Variants in CEACAM1 observed in about 807,000 individuals in gnomAD.
The protein encoded by CEACAM1 is cell adhesion molecule CEACAM1.
A neutral mutation model predicts 49.1 loss-of-function variants in CEACAM1; 31 were observed. That is an observed-to-expected ratio of 0.63 (90% CI 0.47 to 0.85). CEACAM1 has a LOEUF of 0.85. CEACAM1 is among the 40% of genes least tolerant of loss of function. CEACAM1 has a pLI of 0.00. For synonymous variants in CEACAM1, 244 were observed against 247.8 expected (o/e 0.98, Z 0.14); for missense variants, 570 against 645.3 (o/e 0.88, Z 1.26).
chr19:42,515,600 G>A (rs903073415), intron 5 of CEACAM1, among the ~76,000 whole-genome samples: 5 of 152,048 alleles, frequency 3.3e-5, no homozygotes, highest in Non-Finnish European at 7.4e-5. Context: ...CTTGAACCCG[G>A]GAAGTTGAGG....
chr19:42,519,178 C>T lies in CEACAM1; in HGVS notation c.1016G>A (p.Gly339Glu), dbSNP rs375052044. ...GGTCAGGTTCACAGAGTCCTTATCT[C>T]CTGTGACTGTGGTCTTGCTGGCTTT... is the stretch of plus-strand genomic sequence containing the variant. The part of the protein sequence containing the change: ...QIKASKTTVT[G>E]DKDSVNLTCS... The change falls in exon 5 of 9, where the codon GGA becomes GAA. Residue 339 changes from glycine to glutamate, a missense_variant. Coordinates refer to ENST00000161559, the MANE Select transcript of CEACAM1 (RefSeq NM_001712.5). 4 of 1,613,966 alleles carry T rather than the reference C, an allele frequency of 2.5e-6. No homozygotes were observed. The African/African-American group carries it at 5.3e-5, about 22-fold the overall frequency.
intron 5 of CEACAM1, among the ~76,000 whole-genome samples, chr19:42,516,327 A>G (rs1017343008): frequency 5.9e-5 from 9 of 152,222 alleles, no homozygotes; most frequent in African/African-American, 7.2e-5. Flanking sequence ...GGCAGGATAC[A>G]AAATCCACAT....
At chr19:42,521,612 T>C in intron 3 of CEACAM1, 91 bp from the exon 4 acceptor site, 1 of 1,551,446 alleles carries the variant, frequency 6.4e-7, no homozygotes, top group Non-Finnish European at 8.7e-7. Flanking sequence ...TCCTCTCTAC[T>C]AAGTCACAAC....
rs2041669928 is a variant in CEACAM1, at chr19:42,518,949, G to C, written c.1245C>G (p.Asn415Lys). The C allele has an allele frequency of 1.2e-6, 2 of 1,614,056 alleles. No homozygotes were observed. The highest frequency in any genetic ancestry group is 1.7e-6 in the Non-Finnish European group (2 of 1,180,026). Residue 415 changes from asparagine (N) to lysine (K), a missense_variant and splice_region_variant, in exon 5 of 9, where the codon AAC becomes AAG. Physicochemically the swap from Asn to Lys is moderately conservative, Grantham distance 94. Transcript: ENST00000161559. ...AGGAAGGGGTGAGGAGTCACTTACA[G>C]TTTACGTTCAGCATGATGGGGTCGC... Reference protein sequence around the residue: ...NQSDPIMLNVNYNALPQENGL... With the variant: ...NQSDPIMLNVKYNALPQENGL...
intron 5 of CEACAM1, among the ~76,000 whole-genome samples, chr19:42,513,639 C>A (rs1050686363): frequency 2.7e-5 from 4 of 150,702 alleles, no homozygotes; most frequent in African/African-American, 9.8e-5. Context: ...CTAAAACTTC[C>A]TTCCTCTCTT....
Position 42,522,156 on chromosome 19 carries a change from C to T in CEACAM1, c.471G>A (p.Val157=). The T allele has an allele frequency of 6.2e-7, 1 of 1,614,226 alleles. No individual in the cohort carries two copies. ...TGAAGGCCACAGCATCCTTGTCCTC[C>T]ACAGGGTTGGAGTTGTTGCTGGAGA... ...PSISSNNSNP[V]EDKDAVAFTC... is the part of the protein sequence containing the mutation. The change falls in exon 3 of 9, where the codon GTG becomes GTA. Residue 157 remains valine (V), a synonymous_variant. Transcript: ENST00000161559.
chr19:42,521,805 C>T (rs1568661296), intron 3 of CEACAM1, 119 bp downstream of exon 3: 4 of 1,576,326 alleles, frequency 2.5e-6, no homozygotes, highest in Non-Finnish European at 3.5e-6. Flanking sequence ...CATGGCCAGC[C>T]TGGGTGTCCA....
intron 5 of CEACAM1, among the ~76,000 whole-genome samples, chr19:42,514,347 T>A (rs944684895): frequency 1.3e-5 from 2 of 152,018 alleles, no homozygotes; most frequent in African/African-American, 4.8e-5. Flanking sequence ...GTCAGGCTGG[T>A]CTTGAACTCC....
intron 6 of CEACAM1, 60 bp from the exon 7 acceptor site, chr19:42,511,688 G>T: frequency 6.6e-7 from 1 of 1,525,472 alleles, no homozygotes; most frequent in Non-Finnish European, 9.1e-7. Context: ...TGTTCCGTAA[G>T]TTAGGAAGGA....
chr19:42,518,083 A>G (rs899912144), intron 5 of CEACAM1, among the ~76,000 whole-genome samples: 4 of 152,218 alleles, frequency 2.6e-5, no homozygotes, highest in East Asian at 1.9e-4. Context: ...AGCCAGACAC[A>G]AAAGGACAAA....
chr19:42,512,816 C>T (rs1204786059), intron 5 of CEACAM1, among the ~76,000 whole-genome samples: 1 of 152,014 alleles, frequency 6.6e-6, no homozygotes, highest in Non-Finnish European at 1.5e-5. Flanking sequence ...CAGGCACGTG[C>T]CACCACACCT....
rs1231909163 is a variant in CEACAM1 at position 42,527,298 on chromosome 19, T to C, written c.167A>G (p.His56Arg). 1 of 1,614,074 alleles carries C rather than the reference T, an allele frequency of 6.2e-7. No homozygotes were observed. Among genetic ancestry groups the C allele is most frequent in the South Asian group, 1.1e-5 (1 of 91,076 alleles). Residue 56 changes from histidine to arginine, a missense_variant, in exon 2 of 9, where the codon CAC becomes CGC. His to Arg is a conservative substitution (Grantham distance 29). Coordinates refer to ENST00000161559, the MANE Select transcript of CEACAM1 (RefSeq NM_001712.5). ...GCCAAAAAGTTGCTGGGGCAGATTG[T>C]GGACAAGGAGAAGAACCTCCTTCCC... is the stretch of plus-strand genomic sequence containing the variant. Reference protein sequence around the residue: ...AEGKEVLLLVHNLPQQLFGYS... With the variant: ...AEGKEVLLLVRNLPQQLFGYS...
chr19:42,525,206 G>A (rs2041859548), intron 2 of CEACAM1, among the ~76,000 whole-genome samples: 1 of 150,718 alleles, frequency 6.6e-6, no homozygotes. Flanking sequence ...GTGTGGGTCT[G>A]AGGGGATAGG....
chr19:42,521,666 G>A, intron 3 of CEACAM1, 145 bp from the exon 4 acceptor site: 1 of 1,524,680 alleles, frequency 6.6e-7, no homozygotes, highest in South Asian at 1.3e-5. Context: ...CTGAGTCTGG[G>A]TCTGAGACAT....
In CEACAM1 at chr19:42,511,574, A is replaced by G. The variant is rs1447811750; in HGVS notation, c.1429+2T>C. The G allele has an allele frequency of 6.2e-7, 1 of 1,613,522 alleles. No homozygotes were observed. The highest frequency in any genetic ancestry group is 8.5e-7 in the Non-Finnish European group (1 of 1,179,716). On this transcript the variant is annotated splice_donor_variant, in intron 7 of 8. Transcript: ENST00000161559. LOFTEE classifies it high-confidence loss of function. ...CTCACTGGGGTAAGTGGCTTTACTT[A>G]CTGTGGTTGGAGACTGAGGGTTTGT...
chr19:42,513,514 T>C (rs2041514248), intron 5 of CEACAM1, among the ~76,000 whole-genome samples: 1 of 151,678 alleles, frequency 6.6e-6, no homozygotes, highest in African/African-American at 2.4e-5. Context: ...GGAGAATCGC[T>C]TGAACCCGGG....
chr19:42,527,543 G>A, intron 1 of CEACAM1, 143 bp from the exon 2 acceptor site: 1 of 1,106,392 alleles, frequency 9.0e-7, no homozygotes, highest in Non-Finnish European at 1.2e-6. Flanking sequence ...GTGTGTGTGT[G>A]TGTGTCCTAC....
At chr19:42,525,089 G>A (rs1056279106) in intron 2 of CEACAM1, among the ~76,000 whole-genome samples, 7 of 152,108 alleles carry the variant, frequency 4.6e-5, no homozygotes, top group Non-Finnish European at 1.0e-4. Context: ...GCCCTGGCTG[G>A]TGCAGGGTGT....
intron 2 of CEACAM1, among the ~76,000 whole-genome samples, chr19:42,526,399 G>A (rs957964031): frequency 5.3e-5 from 8 of 152,206 alleles, no homozygotes; most frequent in African/African-American, 1.7e-4. Flanking sequence ...AGCCCCCAGG[G>A]CAGTTGGCTG....
Sources: gnomAD v4.1 joint callset for allele counts (sites outside exome capture counted in the v4.1 genomes callset) on GRCh38, gnomAD v4.1.1 for gene constraint, MANE v1.5 for transcripts, NCBI Gene and HGNC (gene_info 2026-07-23, HGNC 2026-07-21) for gene names.